The following FRK variants were observed in gnomAD, a reference collection of about 807,000 sequenced individuals.
FRK encodes fyn related Src family tyrosine kinase.
Under a neutral mutation model 56.4 loss-of-function variants are expected in FRK, and 51 were observed. The observed-to-expected ratio is 0.90, with a 90% CI of 0.72 to 1.14. The LOEUF is 1.14. Among genes scored for constraint, FRK ranks in the 50% most tolerant of loss-of-function variants. The pLI is 0.00. For missense variants in FRK, 570 were observed against 601.4 expected (o/e 0.95, Z 0.55); for synonymous variants, 245 against 217.9 (o/e 1.12, Z -1.10).
chr6:115,958,672 G>A (rs1405449715), intron 4 of FRK, among the ~76,000 whole-genome samples: 1 of 6,086 alleles, frequency 1.6e-4, no homozygotes. Flanking sequence ...AAGAAAGAAA[G>A]AAAGAAAGAA....
chr6:116,008,732 C>T (rs1775348622), intron 1 of FRK, among the ~76,000 whole-genome samples: 1 of 152,200 alleles, frequency 6.6e-6, no homozygotes, highest in South Asian at 2.1e-4. Context: ...GCCCGGATGT[C>T]CACCACAGCC....
At chr6:115,974,541 T>C (rs1437419232) in intron 2 of FRK, among the ~76,000 whole-genome samples, 3 of 152,288 alleles carry the variant, frequency 2.0e-5, no homozygotes, top group African/African-American at 7.2e-5. Flanking sequence ...CAGGTTAAAA[T>C]TTAATTAGTA....
chr6:116,087,483 A>C, the FRK span, among the ~76,000 whole-genome samples: 1 of 152,244 alleles, frequency 6.6e-6, no homozygotes, highest in Non-Finnish European at 1.5e-5. Context: ...TGTGTGTTCC[A>C]GCATGCTAAA....
At chr6:116,044,235 T>C (rs1016274495) in intron 1 of FRK, among the ~76,000 whole-genome samples, 1 of 152,230 alleles carries the variant, frequency 6.6e-6, no homozygotes, top group Non-Finnish European at 1.5e-5. Context: ...ACTCATTTTA[T>C]GAGGCCAGCA....
intron 4 of FRK, among the ~76,000 whole-genome samples, chr6:115,966,023 A>C (rs2114594797): frequency 8.6e-6 from 1 of 116,752 alleles, no homozygotes; most frequent in East Asian, 2.8e-4. Context: ...CACAATGTGC[A>C]CATGTACCCT....
At chr6:116,062,471 A>G (rs1049409996), upstream of FRK, among the ~76,000 whole-genome samples, 3 of 152,024 alleles carry the variant, frequency 2.0e-5, no homozygotes, top group South Asian at 2.1e-4. Context: ...TGAAAAAAAA[A>G]AAAAGAAAAG....
chr6:115,951,753 T>G (rs151122149), intron 5 of FRK, among the ~76,000 whole-genome samples: 1 of 152,268 alleles, frequency 6.6e-6, no homozygotes, highest in Non-Finnish European at 1.5e-5. Context: ...CTGGAGGAAA[T>G]TGAGTGACAC....
intron 5 of FRK, among the ~76,000 whole-genome samples, chr6:115,945,384 T>C (rs188429005): frequency 6.6e-6 from 1 of 152,228 alleles, no homozygotes; most frequent in African/African-American, 2.4e-5. Flanking sequence ...GTTATTTTTT[T>C]ACTTTTTAAT....
intron 1 of FRK, among the ~76,000 whole-genome samples, chr6:116,024,057 TACACACACACAC>T (rs55922355): frequency 1.2e-4 from 16 of 136,588 alleles, no homozygotes; most frequent in African/African-American, 2.8e-4. Flanking sequence ...CCTGAGAACT[TACACACACACAC>T]ACACACACAC....
chr6:116,053,468 C>A (rs1582762913), intron 1 of FRK, among the ~76,000 whole-genome samples: 1 of 152,108 alleles, frequency 6.6e-6, no homozygotes, highest in East Asian at 1.9e-4. Context: ...TCTACTTTGA[C>A]AATCTCAGTT....
chr6:116,041,672 G>T (rs926988494), intron 1 of FRK, among the ~76,000 whole-genome samples: 3 of 152,160 alleles, frequency 2.0e-5, no homozygotes, highest in Middle Eastern at 3.2e-3. Flanking sequence ...CTAGCCAAGG[G>T]AAGCCGTAAG....
At chr6:116,098,389 G>C in the FRK span, among the ~76,000 whole-genome samples, 1 of 152,136 alleles carries the variant, frequency 6.6e-6, no homozygotes. Context: ...GGGATTACAG[G>C]TGTGTGCCAC....
intron 2 of FRK, among the ~76,000 whole-genome samples, chr6:115,971,741 C>G (rs549025662): frequency 3.7e-4 from 57 of 152,282 alleles, no homozygotes; most frequent in African/African-American, 1.3e-3. Context: ...TCTACTGCTA[C>G]GTGATCAGAT....
chr6:116,073,628 T>C, the FRK span, among the ~76,000 whole-genome samples: 1 of 152,324 alleles, frequency 6.6e-6, no homozygotes, highest in African/African-American at 2.4e-5. Context: ...AGGTAAGTGA[T>C]CGCCACTTAA....
chr6:115,949,367 T>A (rs1357243486), intron 5 of FRK, among the ~76,000 whole-genome samples: 2 of 152,210 alleles, frequency 1.3e-5, no homozygotes, highest in African/African-American at 4.8e-5. Flanking sequence ...GTGCCAGTTT[T>A]CAAAGGGAAT....
rs55922355 is a variant in FRK, at chr6:116,024,057, TACACACACAC to T, written c.345-20069_345-20060del. Among the ~76,000 whole-genome samples, 482 of 136,678 alleles carry T rather than the reference TACACACACAC, an allele frequency of 3.5e-3. 2 individuals are homozygous for T. Among genetic ancestry groups the T allele is most frequent in the African/African-American group, 5.7e-3 (206 of 36,296 alleles). The allele number at this position is 136,678 out of a possible 152,430, so 89.7% of individuals were successfully genotyped here. On this transcript the variant is annotated intron_variant, in intron 1 of 7. Coordinates refer to ENST00000606080, the MANE Select transcript of FRK (RefSeq NM_002031.3). ...CTGCTGCTATAGAATCCTGAGAACT[TACACACACAC>T]ACACACACACACACACACACACACA...
chr6:115,958,767 G>GAGAAAGAAAGAAAGAAAGAAAGAAAGAA (rs1773192749), intron 4 of FRK, among the ~76,000 whole-genome samples: 1 of 24,236 alleles, frequency 4.1e-5, no homozygotes, highest in East Asian at 8.8e-4. Flanking sequence ...AAGAAAGAAA[G>GAGAAAGAAAGAAAGAAAGAAAGAAAGAA]AGGGGGGGGA....
At chr6:116,033,057 T>C (rs1776353763) in intron 1 of FRK, among the ~76,000 whole-genome samples, 1 of 152,126 alleles carries the variant, frequency 6.6e-6, no homozygotes, top group Non-Finnish European at 1.5e-5. Context: ...GAGACTATTT[T>C]CACCTCTCAG....
the FRK span, among the ~76,000 whole-genome samples, chr6:116,080,817 G>T: frequency 6.6e-6 from 1 of 152,154 alleles, no homozygotes; most frequent in Non-Finnish European, 1.5e-5. Context: ...TCTATTGTTT[G>T]CCCTTGATTG....
Sources: allele counts gnomAD v4.1 joint callset (sites outside exome capture counted in the v4.1 genomes callset), GRCh38; gene constraint gnomAD v4.1.1; transcripts MANE v1.5; gene names NCBI Gene and HGNC (gene_info 2026-07-23, HGNC 2026-07-21).